SULT1E1: variants seen among roughly 807,000 people sequenced by gnomAD.
SULT1E1 encodes the protein sulfotransferase 1E1.
In SULT1E1, 36 loss-of-function variants were observed where a neutral mutation model predicts 33.6. The observed-to-expected ratio is 1.07, with a 90% CI of 0.82 to 1.41. The LOEUF (loss-of-function observed/expected upper bound fraction) is 1.41, where lower values mean the gene tolerates loss of function less well. SULT1E1 is among the 40% of genes most tolerant of loss of function. The pLI is 0.00. For synonymous variants in SULT1E1, 121 were observed against 111.7 expected (o/e 1.08, Z -0.53); for missense variants, 371 against 345.7 (o/e 1.07, Z -0.58).
the SULT1E1 span, among the ~76,000 whole-genome samples, chr4:69,828,003 G>A: frequency 1.3e-5 from 2 of 152,218 alleles, no homozygotes; most frequent in Non-Finnish European, 2.9e-5. Flanking sequence ...GAGGGCAAAG[G>A]TTCTTTAGGC....
intron 4 of SULT1E1, among the ~76,000 whole-genome samples, chr4:69,850,365 C>T (rs765549748): frequency 2.6e-5 from 4 of 151,980 alleles, no homozygotes; most frequent in Non-Finnish European, 4.4e-5. Context: ...CCCTCAGGCA[C>T]CTAAGCAATG....
intron 6 of SULT1E1, among the ~76,000 whole-genome samples, chr4:69,847,400 ATGTG>A (rs113502821): frequency 6.7e-6 from 1 of 150,012 alleles, no homozygotes; most frequent in Non-Finnish European, 1.5e-5. Flanking sequence ...TTGTGTGTGA[ATGTG>A]TGTGTGTGTG....
chr4:69,843,045 C>G (rs554963148), intron 7 of SULT1E1, among the ~76,000 whole-genome samples: 1 of 152,024 alleles, frequency 6.6e-6, no homozygotes, highest in African/African-American at 2.4e-5. Flanking sequence ...ACTGTGTTAG[C>G]CAGGATGGTC....
chr4:69,829,006 C>T, the SULT1E1 span, among the ~76,000 whole-genome samples: 1 of 152,150 alleles, frequency 6.6e-6, no homozygotes, highest in South Asian at 2.1e-4. Flanking sequence ...CTGTGGGAGT[C>T]TTGTCCAAGT....
At chr4:69,853,889 C>T (rs1721177229) in intron 4 of SULT1E1, among the ~76,000 whole-genome samples, 1 of 152,048 alleles carries the variant, frequency 6.6e-6, no homozygotes, top group Non-Finnish European at 1.5e-5. Flanking sequence ...TTACAATATG[C>T]TAGGAATTAG....
In SULT1E1 at chr4:69,851,477, G is replaced by A. The variant is rs183562435; in HGVS notation, c.370-1914C>T. 8.5e-4 allele frequency among the ~76,000 whole-genome samples: 130 copies of A among 152,260 alleles called. 2 individuals are homozygous for A. The highest frequency in any genetic ancestry group is 6.8e-3 in the Middle Eastern group (2 of 292). On this transcript the variant is annotated intron_variant, in intron 4 of 7. Transcript: ENST00000226444. ...ATCATTAAAAAGTCAGGAAACAACA[G>A]GTGCTGGAGAGGATGTGGAGAAATA... is the stretch of plus-strand genomic sequence containing the variant.
At chr4:69,823,175 C>A in the SULT1E1 span, among the ~76,000 whole-genome samples, 8 of 152,154 alleles carry the variant, frequency 5.3e-5, no homozygotes, top group Non-Finnish European at 1.2e-4. Flanking sequence ...TATATACCTA[C>A]TCCTAAGTGG....
Position 69,841,269 on chromosome 4 carries a change from T to G in SULT1E1, c.*725A>C, listed in dbSNP as rs1032532755. ...CTCTAACAAGATGAATAATCTGTGT[T>G]ACTACATCATTCCCATAGGTTATAG... On this transcript the variant is annotated 3_prime_UTR_variant, in exon 8 of 8. Coordinates refer to ENST00000226444, the MANE Select transcript of SULT1E1 (RefSeq NM_005420.3). 9.2e-5 allele frequency: 14 copies of G among 152,302 alleles called. No homozygotes were observed. The highest frequency in any genetic ancestry group is 6.8e-3 in the Middle Eastern group (2 of 294). 9.4% of individuals were successfully genotyped at this position (152,302 alleles called of 1,614,324 possible). A position where few individuals can be genotyped will look rare whatever the true frequency, so the allele number is the denominator to read the frequency against.
the SULT1E1 span, among the ~76,000 whole-genome samples, chr4:69,825,779 G>A: frequency 1.3e-5 from 2 of 152,078 alleles, no homozygotes; most frequent in Non-Finnish European, 2.9e-5. Context: ...AGTGAGACTC[G>A]CCCATCTATC....
intron 2 of SULT1E1, among the ~76,000 whole-genome samples, chr4:69,855,940 C>T (rs904169889): frequency 1.3e-5 from 2 of 152,166 alleles, no homozygotes; most frequent in African/African-American, 4.8e-5. Flanking sequence ...TAATATGGCA[C>T]AGGGATTTAA....
At chr4:69,837,086 CAAA>C (rs3077549), downstream of SULT1E1, among the ~76,000 whole-genome samples, 18,959 of 145,212 alleles carry the variant, frequency 0.13, 1,265 homozygotes, top group Middle Eastern at 0.2. Flanking sequence ...CTCCCTGTCT[CAAA>C]AAAAAAAAAA....
In SULT1E1 at chr4:69,849,531, C is replaced by T; in HGVS notation, c.402G>A (p.Val134=). ...IIYLCRNAKD[V]AVSFYYFFLM... is the part of the protein sequence containing the mutation. Reference sequence around the variant, plus strand: ...GAAAGAAATAATAAAAGGAAACAGCCACATCCTTTGCATTCCGGCAAAGAT... The same window carrying T: ...GAAAGAAATAATAAAAGGAAACAGCTACATCCTTTGCATTCCGGCAAAGAT... Residue 134 remains valine (V), a synonymous_variant, in exon 5 of 8, where the codon GTG becomes GTA. Coordinates refer to ENST00000226444, the MANE Select transcript of SULT1E1 (RefSeq NM_005420.3). 4 of 1,609,372 alleles carry T rather than the reference C, an allele frequency of 2.5e-6. No individual in the cohort carries two copies. The highest frequency in any genetic ancestry group is 3.4e-6 in the Non-Finnish European group (4 of 1,177,410).
chr4:69,823,876 T>G, the SULT1E1 span, among the ~76,000 whole-genome samples: 3 of 152,172 alleles, frequency 2.0e-5, no homozygotes, highest in South Asian at 6.2e-4. Context: ...CCCCCTAGAA[T>G]GAAGCCGCTC....
chr4:69,824,549 C>T, the SULT1E1 span, among the ~76,000 whole-genome samples: 4 of 152,088 alleles, frequency 2.6e-5, no homozygotes, highest in Non-Finnish European at 4.4e-5. Context: ...GCAGCAGAAC[C>T]CTGCTGCCCC....
rs185014075 is a variant in SULT1E1 at position 69,858,101 on chromosome 4, A to G, written c.-9-448T>C. Among the ~76,000 whole-genome samples the G allele has an allele frequency of 2.0e-3, 308 of 152,274 alleles. 2 individuals are homozygous for G. The highest frequency in any genetic ancestry group is 7.2e-3 in the African/African-American group (301 of 41,570). Reference sequence around the variant, plus strand: ...TTACATTTGATTATTATTGCCGGGTATCTAAGTCAGAGATTTTTGACTTCC... The same window carrying G: ...TTACATTTGATTATTATTGCCGGGTGTCTAAGTCAGAGATTTTTGACTTCC... On this transcript the variant is annotated intron_variant, in intron 1 of 7. Coordinates refer to ENST00000226444, the MANE Select transcript of SULT1E1 (RefSeq NM_005420.3).
the SULT1E1 span, among the ~76,000 whole-genome samples, chr4:69,833,386 T>C: frequency 2.4e-3 from 370 of 152,358 alleles, 3 homozygotes; most frequent in Non-Finnish European, 3.9e-3. Flanking sequence ...GCTTTTGGAA[T>C]ACAATGTAAT....
intron 4 of SULT1E1, among the ~76,000 whole-genome samples, chr4:69,851,675 G>A (rs564104429): frequency 3.3e-5 from 5 of 152,228 alleles, no homozygotes; most frequent in Admixed American, 2.0e-4. Context: ...ACATGAACAC[G>A]TATGTTTATT....
At chr4:69,824,303 C>T in the SULT1E1 span, among the ~76,000 whole-genome samples, 2 of 152,294 alleles carry the variant, frequency 1.3e-5, no homozygotes, top group South Asian at 2.1e-4. Flanking sequence ...CCAGGCAGTG[C>T]CATGACCCTA....
the SULT1E1 span, among the ~76,000 whole-genome samples, chr4:69,831,917 T>A: frequency 6.6e-6 from 1 of 152,142 alleles, no homozygotes; most frequent in Non-Finnish European, 1.5e-5. Flanking sequence ...CCCAGAACCA[T>A]CTCTCACGCA....
Sources: gnomAD v4.1 joint callset for allele counts (sites outside exome capture counted in the v4.1 genomes callset) on GRCh38, gnomAD v4.1.1 for gene constraint, MANE v1.5 for transcripts, NCBI Gene and HGNC (gene_info 2026-07-23, HGNC 2026-07-21) for gene names.